The following GRIA1 variants were observed in gnomAD, a reference collection of about 807,000 sequenced individuals.
GRIA1 encodes glutamate receptor 1.
In GRIA1, 31 loss-of-function variants were observed where a neutral mutation model predicts 99.2. The observed-to-expected ratio is 0.31, with a 90% CI of 0.23 to 0.42. GRIA1 has a LOEUF of 0.42. Among genes scored for constraint, GRIA1 ranks in the 10% least tolerant of loss-of-function variants. GRIA1 has a pLI of 1.00. For synonymous variants in GRIA1, 438 were observed against 432.4 expected (o/e 1.01, Z -0.16); for missense variants, 782 against 1,157.5 (o/e 0.68, Z 4.71).
intron 2 of GRIA1, among the ~76,000 whole-genome samples, chr5:153,560,025 A>G (rs1393539770): frequency 6.6e-6 from 1 of 151,556 alleles, no homozygotes; most frequent in Non-Finnish European, 1.5e-5. Flanking sequence ...TTTGAAGACT[A>G]GAAAACCAAG....
At chr5:153,723,413 C>T (rs965636796) in intron 11 of GRIA1, among the ~76,000 whole-genome samples, 3 of 152,200 alleles carry the variant, frequency 2.0e-5, no homozygotes, top group African/African-American at 7.2e-5. Context: ...GTGCAGCGCA[C>T]CATGCACGAG....
intron 6 of GRIA1, among the ~76,000 whole-genome samples, chr5:153,676,776 T>C (rs1236206936): frequency 6.6e-6 from 1 of 152,174 alleles, no homozygotes; most frequent in African/African-American, 2.4e-5. Flanking sequence ...AGGTCAGCAT[T>C]GACTAGCATG....
In GRIA1 at chr5:153,549,873, A is replaced by G. The variant is rs141679792; in HGVS notation, c.220+55808A>G. Among the ~76,000 whole-genome samples, 255 of 152,288 alleles carry G rather than the reference A, an allele frequency of 1.7e-3. 1 individual carries two copies. Among genetic ancestry groups the G allele is most frequent in the Middle Eastern group, 6.8e-3 (2 of 294 alleles). ...CTTTATGTGGGACTAAGAAAATTATATTATCCATCTAGGCATTTGTCCTCC... is the reference window on the plus strand; with the variant it reads ...CTTTATGTGGGACTAAGAAAATTATGTTATCCATCTAGGCATTTGTCCTCC... On this transcript the variant is annotated intron_variant, in intron 2 of 15. Coordinates refer to ENST00000285900, the MANE Select transcript of GRIA1 (RefSeq NM_000827.4).
At chr5:153,492,431 A>C in intron 1 of GRIA1, 1 of 921,042 alleles carries the variant, frequency 1.1e-6, no homozygotes, top group Non-Finnish European at 1.5e-6. Flanking sequence ...TCTTTCATTC[A>C]TTGCAGAGGA....
rs1766910322 is a variant in GRIA1, at chr5:153,812,819, C to T, written c.*1594C>T. ...CATTCTTGGTGCAACTGGCTTCCAGCTCTCCAGCAGTCACTCTCCTAGGTG... is the reference window on the plus strand; with the variant it reads ...CATTCTTGGTGCAACTGGCTTCCAGTTCTCCAGCAGTCACTCTCCTAGGTG... On this transcript the variant is annotated 3_prime_UTR_variant, in exon 16 of 16. Coordinates refer to ENST00000285900, the MANE Select transcript of GRIA1 (RefSeq NM_000827.4). The T allele has an allele frequency of 6.6e-6, 1 of 152,238 alleles. No individual in the cohort carries two copies. The highest frequency in any genetic ancestry group is 2.1e-4 in the South Asian group (1 of 4,832). 9.4% of individuals were successfully genotyped at this position (152,238 alleles called of 1,614,324 possible).
At chr5:153,706,726 T>C (rs1358016317) in intron 11 of GRIA1, among the ~76,000 whole-genome samples, 1 of 152,138 alleles carries the variant, frequency 6.6e-6, no homozygotes. Context: ...ACTTCTCCTT[T>C]TCTTTGGTTC....
At chr5:153,580,705 C>T (rs1762969627) in intron 2 of GRIA1, among the ~76,000 whole-genome samples, 1 of 152,140 alleles carries the variant, frequency 6.6e-6, no homozygotes, top group Non-Finnish European at 1.5e-5. Flanking sequence ...GTGCCAGTTT[C>T]TGGGGGGTCA....
intron 5 of GRIA1, among the ~76,000 whole-genome samples, chr5:153,673,648 T>C (rs1278991709): frequency 2.0e-5 from 3 of 152,256 alleles, no homozygotes; most frequent in African/African-American, 7.2e-5. Flanking sequence ...TCTTCTACTC[T>C]GCCTCAGTTT....
intron 2 of GRIA1, among the ~76,000 whole-genome samples, chr5:153,515,950 G>C (rs1021305228): frequency 1.3e-5 from 2 of 152,136 alleles, no homozygotes; most frequent in Non-Finnish European, 2.9e-5. Context: ...GCTGGGAGTG[G>C]TGGCTCACAC....
At chr5:153,550,998 C>T (rs747130772) in intron 2 of GRIA1, among the ~76,000 whole-genome samples, 3 of 150,852 alleles carry the variant, frequency 2.0e-5, no homozygotes, top group Non-Finnish European at 3.0e-5. Flanking sequence ...TCAAGTGATG[C>T]TGATATAGCT....
intron 2 of GRIA1, among the ~76,000 whole-genome samples, chr5:153,528,523 T>C (rs2113415871): frequency 6.6e-6 from 1 of 152,304 alleles, no homozygotes. Context: ...CCCCAGAATT[T>C]CTGATTTGGG....
intron 11 of GRIA1, among the ~76,000 whole-genome samples, chr5:153,745,328 C>G (rs189431366): frequency 3.9e-4 from 59 of 151,384 alleles, no homozygotes; most frequent in Non-Finnish European, 6.3e-4. Context: ...TGGCTGACAC[C>G]TATAATCCCA....
intron 2 of GRIA1, among the ~76,000 whole-genome samples, chr5:153,620,546 C>T (rs1412306388): frequency 1.3e-5 from 2 of 152,106 alleles, no homozygotes; most frequent in African/African-American, 4.8e-5. Flanking sequence ...TACACATGAG[C>T]CTGAGCTGAG....
At chr5:153,534,826 A>T (rs1908100) in intron 2 of GRIA1, among the ~76,000 whole-genome samples, 28,459 of 152,156 alleles carry the variant, frequency 0.19, 3,940 homozygotes, top group East Asian at 0.69. Context: ...TGGGATTCAT[A>T]TCACTGTCTT....
chr5:153,495,449 T>C (rs1206347449), intron 2 of GRIA1, among the ~76,000 whole-genome samples: 1 of 152,200 alleles, frequency 6.6e-6, no homozygotes, highest in East Asian at 1.9e-4. Flanking sequence ...TCCATGTTCC[T>C]GGATACTGTG....
In GRIA1 at chr5:153,751,179, G is replaced by A. The variant is rs145400301; in HGVS notation, c.1824-13255G>A. ...ATACAACCAATAAGAAACAAGGCAG[G>A]ATGCCCTTCAGCTTCATCTGAACCC... On this transcript the variant is annotated intron_variant, in intron 11 of 15. Coordinates refer to ENST00000285900, the MANE Select transcript of GRIA1 (RefSeq NM_000827.4). 6.8e-3 allele frequency among the ~76,000 whole-genome samples: 1,038 copies of A among 152,330 alleles called. 6 individuals carry two copies. Among genetic ancestry groups the A allele is most frequent in the African/African-American group, 0.023 (970 of 41,572 alleles).
chr5:153,544,285 G>T (rs2113507210), intron 2 of GRIA1, among the ~76,000 whole-genome samples: 1 of 152,238 alleles, frequency 6.6e-6, no homozygotes, highest in African/African-American at 2.4e-5. Flanking sequence ...TCCCAGGGGA[G>T]ATACTATTAT....
At chr5:153,542,892 G>A (rs372503500) in intron 2 of GRIA1, among the ~76,000 whole-genome samples, 1 of 152,200 alleles carries the variant, frequency 6.6e-6, no homozygotes, top group Admixed American at 6.5e-5. Flanking sequence ...AATTATGTGA[G>A]TAAAGTATAG....
chr5:153,534,965 AGGCT>A (rs1449184099), intron 2 of GRIA1, among the ~76,000 whole-genome samples: 1 of 152,038 alleles, frequency 6.6e-6, no homozygotes, highest in Non-Finnish European at 1.5e-5. Flanking sequence ...TCTGTTGCCC[AGGCT>A]GGAGTGCAGT....
Sources: allele counts gnomAD v4.1 joint callset (sites outside exome capture counted in the v4.1 genomes callset), GRCh38; gene constraint gnomAD v4.1.1; transcripts MANE v1.5; gene names NCBI Gene and HGNC (gene_info 2026-07-23, HGNC 2026-07-21).